KDM3B: variants seen among roughly 807,000 people sequenced by gnomAD.
The protein encoded by KDM3B is lysine demethylase 3B.
In KDM3B, 10 loss-of-function variants were observed where a neutral mutation model predicts 170.0. The ratio of observed to expected loss-of-function variants is 0.06; its 90% CI spans 0.04 to 0.10. The LOEUF (loss-of-function observed/expected upper bound fraction) is 0.10. Among genes scored for constraint, KDM3B ranks in the 10% least tolerant of loss-of-function variants. The pLI, the probability that KDM3B is intolerant of heterozygous loss-of-function variation, is 1.00. For synonymous variants in KDM3B, 831 were observed against 834.8 expected (o/e 1.00, Z 0.08); for missense variants, 1,394 against 2,195.2 (o/e 0.64, Z 7.29).
At chr5:138,411,186 G>A (rs562263742) in intron 11 of KDM3B, among the ~76,000 whole-genome samples, 172 of 152,216 alleles carry the variant, frequency 1.1e-3, no homozygotes, top group Non-Finnish European at 2.0e-3. Context: ...AAATGCTGGC[G>A]TCACCGCTAG....
At chr5:138,414,225 G>T (rs1302874733) in intron 11 of KDM3B, among the ~76,000 whole-genome samples, 1 of 152,196 alleles carries the variant, frequency 6.6e-6, no homozygotes, top group African/African-American at 2.4e-5. Flanking sequence ...GAGTGCAGTG[G>T]CGTGGTCTCA....
At chr5:138,412,498 T>G (rs1762997540) in intron 11 of KDM3B, among the ~76,000 whole-genome samples, 1 of 150,888 alleles carries the variant, frequency 6.6e-6, no homozygotes, top group Non-Finnish European at 1.5e-5. Context: ...CAAAAAAAAT[T>G]TAAAAATTAG....
intron 1 of KDM3B, among the ~76,000 whole-genome samples, chr5:138,364,694 A>G (rs1761703607): frequency 6.6e-6 from 1 of 152,148 alleles, no homozygotes; most frequent in South Asian, 2.1e-4. Context: ...TCTTTATTTC[A>G]TATAATCCTA....
intron 3 of KDM3B, among the ~76,000 whole-genome samples, chr5:138,376,682 C>A (rs1477661106): frequency 2.0e-5 from 3 of 146,756 alleles, no homozygotes; most frequent in African/African-American, 7.6e-5. Context: ...CCAGCCTGGG[C>A]GACTGAGTGA....
chr5:138,435,898 C>A lies in KDM3B; in HGVS notation c.*198C>A. ...ACAGGAAAGTCGTACTGTTCACACA[C>A]ACAGTTTGAGACTCCAAGCCAAGAG... On this transcript the variant is annotated 3_prime_UTR_variant, in exon 24 of 24. Transcript: ENST00000314358. The A allele has an allele frequency of 1.8e-6, 1 of 571,324 alleles. No homozygotes were observed. The highest frequency in any genetic ancestry group is 2.1e-5 in the South Asian group (1 of 48,392). The allele number at this position is 571,324 out of a possible 1,614,324, so 35.4% of individuals were successfully genotyped here. A position where few individuals can be genotyped will look rare whatever the true frequency, so the allele number is the denominator to read the frequency against.
intron 7 of KDM3B, among the ~76,000 whole-genome samples, chr5:138,389,894 T>A (rs978580647): frequency 6.6e-6 from 1 of 151,934 alleles, no homozygotes; most frequent in African/African-American, 2.4e-5. Context: ...GGAATCTTGC[T>A]CTGTTGCCAG....
chr5:138,374,096 C>T (rs552007236), intron 2 of KDM3B, among the ~76,000 whole-genome samples: 1 of 152,050 alleles, frequency 6.6e-6, no homozygotes, highest in Non-Finnish European at 1.5e-5. Context: ...CAGGTTCAAG[C>T]GATTCTCTTG....
intron 6 of KDM3B, among the ~76,000 whole-genome samples, chr5:138,382,336 C>T (rs1177933943): frequency 2.0e-5 from 3 of 151,956 alleles, no homozygotes; most frequent in Admixed American, 1.3e-4. Context: ...CCTGTAATCC[C>T]AGCTACTCGG....
chr5:138,410,046 C>A (rs999783489), intron 11 of KDM3B, among the ~76,000 whole-genome samples: 86 of 152,030 alleles, frequency 5.7e-4, no homozygotes, highest in African/African-American at 2.0e-3. Flanking sequence ...GAGATCGTGC[C>A]ATTGCACTCT....
intron 12 of KDM3B, 84 bp from the exon 13 acceptor site, chr5:138,417,399 G>A: frequency 7.5e-7 from 1 of 1,327,470 alleles, no homozygotes; most frequent in Non-Finnish European, 1.1e-6. Flanking sequence ...GATTGAGGGA[G>A]ATAATGTAAA....
At chr5:138,431,979 G>A (rs189028003) in intron 23 of KDM3B, among the ~76,000 whole-genome samples, 5 of 152,126 alleles carry the variant, frequency 3.3e-5, no homozygotes, top group African/African-American at 1.2e-4. Context: ...TGCCCAGGCT[G>A]CTCTCAAACT....
chr5:138,404,801 A>G (rs1260272610), intron 11 of KDM3B, among the ~76,000 whole-genome samples: 1 of 151,776 alleles, frequency 6.6e-6, no homozygotes, highest in Non-Finnish European at 1.5e-5. Flanking sequence ...TCTGCTCACT[A>G]CAACCTCATC....
intron 1 of KDM3B, among the ~76,000 whole-genome samples, chr5:138,358,947 C>A (rs1761527223): frequency 7.2e-6 from 1 of 138,802 alleles, no homozygotes; most frequent in African/African-American, 2.7e-5. Context: ...TCCCCCCTCC[C>A]CCTACCCCAC....
intron 1 of KDM3B, 117 bp from the exon 2 acceptor site, chr5:138,372,557 C>A: frequency 2.3e-6 from 2 of 876,552 alleles, no homozygotes; most frequent in Admixed American, 2.7e-5. Flanking sequence ...ATAACTTAAA[C>A]ACAAGTTAGA....
At position 138,435,808 on chromosome 5, in the gene KDM3B, G is replaced by A. The variant is rs3798151; in HGVS notation, c.*108G>A. On this transcript the variant is annotated 3_prime_UTR_variant, in exon 24 of 24. Coordinates refer to ENST00000314358, the MANE Select transcript of KDM3B (RefSeq NM_016604.4). Reference sequence around the variant, plus strand: ...AGCAGAGGCCCTTCACCCAGAGCCAGTGTGGTCAGTATTCCAAACTCTCCA... The same window carrying A: ...AGCAGAGGCCCTTCACCCAGAGCCAATGTGGTCAGTATTCCAAACTCTCCA... 2.2e-4 allele frequency: 178 copies of A among 826,642 alleles called. 2 individuals are homozygous for A. In the East Asian group the frequency reaches 4.7e-3, roughly 22 times the overall value. 51.2% of individuals were successfully genotyped at this position (826,642 alleles called of 1,614,324 possible).
rs1040393514 is a variant in KDM3B at position 138,410,122 on chromosome 5, A to C, written c.3200-5010A>C. On this transcript the variant is annotated intron_variant, in intron 11 of 23. Coordinates refer to ENST00000314358, the MANE Select transcript of KDM3B (RefSeq NM_016604.4). ...AGAAAAGAAAAGAAAAGAAAAATAG[A>C]GGGTTGAATACTAAGACGTCACTTC... Among the ~76,000 whole-genome samples, 3 of 152,186 alleles carry C rather than the reference A, an allele frequency of 2.0e-5. 1 individual carries two copies. Among genetic ancestry groups the C allele is most frequent in the African/African-American group, 7.2e-5 (3 of 41,462 alleles).
intron 1 of KDM3B, among the ~76,000 whole-genome samples, chr5:138,360,233 C>A (rs935178219): frequency 6.6e-6 from 1 of 152,188 alleles, no homozygotes; most frequent in African/African-American, 2.4e-5. Flanking sequence ...TCATTACTTA[C>A]AATTCCAAAA....
At chr5:138,388,649 A>AC (rs1308789084) in intron 7 of KDM3B, among the ~76,000 whole-genome samples, 1 of 130,502 alleles carries the variant, frequency 7.7e-6, no homozygotes, top group Non-Finnish European at 1.8e-5. Context: ...TTTAAAAAAA[A>AC]AAAAAAAAAA....
chr5:138,411,192 G>A (rs1192212998), intron 11 of KDM3B, among the ~76,000 whole-genome samples: 4 of 152,224 alleles, frequency 2.6e-5, no homozygotes, highest in South Asian at 2.1e-4. Flanking sequence ...TGGCGTCACC[G>A]CTAGACCAAG....
Sources: gnomAD v4.1 joint callset for allele counts (sites outside exome capture counted in the v4.1 genomes callset) on GRCh38, gnomAD v4.1.1 for gene constraint, MANE v1.5 for transcripts, NCBI Gene and HGNC (gene_info 2026-07-23, HGNC 2026-07-21) for gene names.